The following ROBO1 variants were observed in gnomAD, a reference collection of about 807,000 sequenced individuals.
ROBO1 encodes the protein roundabout homolog 1.
In ROBO1, 149 loss-of-function variants were observed where a neutral mutation model predicts 195.9. The ratio of observed to expected loss-of-function variants is 0.76; its 90% confidence interval spans 0.67 to 0.87. The LOEUF (loss-of-function observed/expected upper bound fraction) is 0.87, where lower values mean the gene tolerates loss of function less well. ROBO1 is among the 40% of genes least tolerant of loss of function. The pLI is 0.00. For synonymous variants in ROBO1, 816 were observed against 733.2 expected (o/e 1.11, Z -1.82); for missense variants, 1,933 against 2,068.3 (o/e 0.93, Z 1.27).
intron 3 of ROBO1, among the ~76,000 whole-genome samples, chr3:79,118,459 T>C (rs1474708908): frequency 1.3e-5 from 2 of 152,166 alleles, no homozygotes; most frequent in Non-Finnish European, 2.9e-5. Flanking sequence ...TCTTCATAAA[T>C]TCTACCTTAT....
chr3:79,035,709 C>G (rs1207210603), intron 3 of ROBO1, among the ~76,000 whole-genome samples: 2 of 148,750 alleles, frequency 1.3e-5, no homozygotes, highest in Non-Finnish European at 3.0e-5. Context: ...CCAAACTGGG[C>G]AACAGTACGA....
chr3:78,885,120 G>C (rs1223193028), intron 4 of ROBO1, among the ~76,000 whole-genome samples: 12 of 152,000 alleles, frequency 7.9e-5, no homozygotes, highest in Non-Finnish European at 1.8e-4. Flanking sequence ...CATGGATAGA[G>C]GGCTAGAGGC....
chr3:79,319,300 T>G (rs1201129657), intron 2 of ROBO1, among the ~76,000 whole-genome samples: 1 of 152,178 alleles, frequency 6.6e-6, no homozygotes, highest in East Asian at 1.9e-4. Flanking sequence ...TAATGTACTC[T>G]CCCTGATAAT....
In ROBO1 at chr3:79,693,048, T is replaced by C. The variant is rs112456413; in HGVS notation, c.-51+74704A>G. Among the ~76,000 whole-genome samples, 1,173 of 151,908 alleles carry C rather than the reference T, an allele frequency of 7.7e-3. 13 individuals carry two copies. Among genetic ancestry groups the C allele is most frequent in the African/African-American group, 0.026 (1,098 of 41,480 alleles). On this transcript the variant is annotated intron_variant, in intron 1 of 30. Coordinates refer to ENST00000464233, the MANE Select transcript of ROBO1 (RefSeq NM_002941.4). ...GTTGGTGCTCAAAAAGTTTCAGATA[T>C]TGGGGCATTTAAGATTTCAGATTTT... is the stretch of plus-strand genomic sequence containing the variant.
At chr3:78,992,315 T>C (rs1163049819) in intron 3 of ROBO1, among the ~76,000 whole-genome samples, 1 of 152,108 alleles carries the variant, frequency 6.6e-6, no homozygotes, top group Non-Finnish European at 1.5e-5. Flanking sequence ...GGTACGTTTA[T>C]TGGTGCAAAG....
chr3:79,135,849 C>T (rs1331915632), intron 2 of ROBO1, among the ~76,000 whole-genome samples: 1 of 152,116 alleles, frequency 6.6e-6, no homozygotes, highest in Admixed American at 6.6e-5. Flanking sequence ...GTTGGTCAGG[C>T]TGTTATCGAA....
chr3:78,985,342 T>C (rs2077083351), intron 3 of ROBO1, among the ~76,000 whole-genome samples: 1 of 152,196 alleles, frequency 6.6e-6, no homozygotes, highest in Non-Finnish European at 1.5e-5. Flanking sequence ...CTATTTTATG[T>C]AAGAATACAG....
chr3:79,170,183 G>C (rs552991824), intron 2 of ROBO1, among the ~76,000 whole-genome samples: 2 of 151,964 alleles, frequency 1.3e-5, no homozygotes, highest in Non-Finnish European at 2.9e-5. Context: ...CAAGAGTAAA[G>C]GGGCAAATGG....
At chr3:79,248,961 T>G (rs931635882) in intron 2 of ROBO1, among the ~76,000 whole-genome samples, 2 of 152,158 alleles carry the variant, frequency 1.3e-5, no homozygotes, top group African/African-American at 4.8e-5. Flanking sequence ...TTTAAACATA[T>G]TGGATTTTAG....
At chr3:79,243,824 C>G (rs1301859744) in intron 2 of ROBO1, among the ~76,000 whole-genome samples, 2 of 152,100 alleles carry the variant, frequency 1.3e-5, no homozygotes, top group Non-Finnish European at 2.9e-5. Context: ...TGCAGAAGCT[C>G]TTTAGTTTAA....
At chr3:79,561,111 T>C (rs1381460456) in intron 2 of ROBO1, among the ~76,000 whole-genome samples, 1 of 152,106 alleles carries the variant, frequency 6.6e-6, no homozygotes, top group Non-Finnish European at 1.5e-5. Flanking sequence ...AAAAAAAATA[T>C]ATGACCTTCT....
intron 3 of ROBO1, among the ~76,000 whole-genome samples, chr3:79,060,211 C>A (rs1419019792): frequency 1.3e-5 from 2 of 152,094 alleles, no homozygotes; most frequent in East Asian, 1.9e-4. Flanking sequence ...TGCTCTTGAA[C>A]CCTGTTTCCT....
chr3:79,610,146 C>G (rs1295335764), intron 1 of ROBO1, among the ~76,000 whole-genome samples: 2 of 151,776 alleles, frequency 1.3e-5, no homozygotes, highest in Non-Finnish European at 2.9e-5. Flanking sequence ...ATCATCAATA[C>G]AGTCGTCTCT....
intron 3 of ROBO1, among the ~76,000 whole-genome samples, chr3:78,972,570 TA>T (rs1307661430): frequency 6.6e-6 from 1 of 152,242 alleles, no homozygotes; most frequent in Non-Finnish European, 1.5e-5. Flanking sequence ...GTGGCATTCC[TA>T]ATTCCATTCA....
At chr3:79,194,049 T>C (rs982672804) in intron 2 of ROBO1, among the ~76,000 whole-genome samples, 1 of 151,674 alleles carries the variant, frequency 6.6e-6, no homozygotes, top group African/African-American at 2.4e-5. Context: ...CAGTTTTAAC[T>C]CCAGCCCTGC....
chr3:79,747,208 A>C (rs1296029060), intron 1 of ROBO1, among the ~76,000 whole-genome samples: 1 of 152,080 alleles, frequency 6.6e-6, no homozygotes, highest in Non-Finnish European at 1.5e-5. Flanking sequence ...CAATGCACTC[A>C]GGGAATCTTA....
At chr3:79,441,813 C>T (rs940767265) in intron 2 of ROBO1, among the ~76,000 whole-genome samples, 19 of 152,036 alleles carry the variant, frequency 1.2e-4, no homozygotes, top group South Asian at 2.1e-4. Context: ...CTAGGCAGGA[C>T]GCTCTAAAGG....
chr3:79,633,277 G>A (rs1299089155), intron 1 of ROBO1, among the ~76,000 whole-genome samples: 1 of 149,272 alleles, frequency 6.7e-6, no homozygotes, highest in African/African-American at 2.5e-5. Flanking sequence ...GGGCTCAGGC[G>A]ATCCTCCCAC....
In ROBO1 at chr3:78,840,923, G is replaced by T. The variant is rs577987986; in HGVS notation, c.500-94023C>A. Among the ~76,000 whole-genome samples the T allele has an allele frequency of 7.2e-5, 11 of 151,774 alleles. No individual in the cohort carries two copies. The South Asian group carries it at 2.1e-3, about 29-fold the overall frequency. ...AAAAAATACAAAAAATTAGCTGGGC[G>T]TGGTGGTGGGCGCCTGTAGTCCCAG... On this transcript the variant is annotated intron_variant, in intron 4 of 30. Transcript: ENST00000464233.
Sources: gnomAD v4.1 joint callset for allele counts (sites outside exome capture counted in the v4.1 genomes callset) on GRCh38, gnomAD v4.1.1 for gene constraint, MANE v1.5 for transcripts, NCBI Gene and HGNC (gene_info 2026-07-23, HGNC 2026-07-21) for gene names.